The following DNHD1 variants were observed in gnomAD, a reference collection of about 807,000 sequenced individuals.
The protein encoded by DNHD1 is dynein heavy chain domain 1.
Under a neutral mutation model 458.1 loss-of-function variants are expected in DNHD1, and 383 were observed. The observed-to-expected ratio is 0.84, with a 90% confidence interval of 0.77 to 0.91. The LOEUF is 0.91. Ranked by LOEUF, DNHD1 falls within the 40% of genes least tolerant of loss-of-function variation. The probability of loss-of-function intolerance (pLI) is 0.00; values close to 1 mark genes in which losing one functional copy is unlikely to be tolerated. For synonymous variants in DNHD1, 2,203 were observed against 2,376.9 expected (o/e 0.93, Z 2.13); for missense variants, 5,336 against 5,866.1 (o/e 0.91, Z 2.95).
intron 24 of DNHD1, among the ~76,000 whole-genome samples, chr11:6,550,626 A>C (rs1186435367): frequency 6.6e-6 from 1 of 152,264 alleles, no homozygotes; most frequent in African/African-American, 2.4e-5. Flanking sequence ...TACGCTGTCC[A>C]AAAGATGCAC....
intron 28 of DNHD1, 74 bp from the exon 29 acceptor site, chr11:6,562,908 G>A: frequency 6.7e-6 from 10 of 1,489,220 alleles, no homozygotes; most frequent in Non-Finnish European, 9.0e-6. Flanking sequence ...TACAGTTCCA[G>A]GATCATAGGG....
chr11:6,508,839 C>A (rs371864238), intron 4 of DNHD1, 41 bp from the exon 5 acceptor site: 1 of 1,603,242 alleles, frequency 6.2e-7, no homozygotes, highest in Non-Finnish European at 8.5e-7. Flanking sequence ...AGTCTGACCA[C>A]GTTCCCAGGG....
intron 36 of DNHD1, 84 bp from the exon 37 acceptor site, chr11:6,567,972 G>T: frequency 6.8e-7 from 1 of 1,480,838 alleles, no homozygotes. Flanking sequence ...GGGACTTTGG[G>T]GATCATGGTA....
At chr11:6,551,948 A>C (rs977162179) in intron 24 of DNHD1, among the ~76,000 whole-genome samples, 1 of 144,402 alleles carries the variant, frequency 6.9e-6, no homozygotes, top group Non-Finnish European at 1.5e-5. Context: ...CTCCAAAAAA[A>C]AAAAGGGGAG....
At chr11:6,520,155 C>A in intron 9 of DNHD1, 53 bp downstream of exon 9, 2 of 1,613,224 alleles carry the variant, frequency 1.2e-6, no homozygotes, top group Non-Finnish European at 1.7e-6. Flanking sequence ...TTCCTATCCT[C>A]TGAGTAATCA....
intron 18 of DNHD1, among the ~76,000 whole-genome samples, chr11:6,541,912 G>A (rs1395449461): frequency 6.6e-6 from 1 of 152,218 alleles, no homozygotes; most frequent in Non-Finnish European, 1.5e-5. Context: ...GCAGAAGTCA[G>A]CTAGGCAAGA....
chr11:6,512,223 T>TTC (rs1852350420), intron 7 of DNHD1, among the ~76,000 whole-genome samples: 1 of 128,950 alleles, frequency 7.8e-6, no homozygotes, highest in African/African-American at 3.1e-5. Context: ...TTTTTTTTTT[T>TTC]TTTTTTTTTT....
intron 7 of DNHD1, among the ~76,000 whole-genome samples, chr11:6,513,415 C>T (rs1464592238): frequency 6.6e-6 from 1 of 152,158 alleles, no homozygotes; most frequent in Non-Finnish European, 1.5e-5. Context: ...TGTGTCACCA[C>T]AGGTTAATTT....
intron 18 of DNHD1, among the ~76,000 whole-genome samples, chr11:6,543,588 A>G (rs1414934298): frequency 6.6e-6 from 1 of 152,190 alleles, no homozygotes; most frequent in African/African-American, 2.4e-5. Context: ...GCCTTGGGAA[A>G]GGAGGAGCTT....
At position 6,566,635 on chromosome 11, in the gene DNHD1, T is replaced by C. The variant is rs1853706231; in HGVS notation, c.11255T>C (p.Leu3752Pro). The C allele has an allele frequency of 6.2e-7, 1 of 1,613,874 alleles. No homozygotes were observed. The change falls in exon 35 of 43, where the codon CTG (leucine) becomes CCG (proline). Residue 3752 changes from leucine to proline, a missense_variant. Leu to Pro is a moderately conservative substitution (Grantham distance 98). Coordinates refer to ENST00000254579, the MANE Select transcript of DNHD1 (RefSeq NM_144666.3). ...GGGCTGAATGTGTTGGATCTGGGCC[T>C]GAACATGGAAATACTGGAAGAACAG... ...LKGLNVLDLG[L>P]NMEILEEQML... is the part of the protein sequence containing the mutation.
At chr11:6,561,382 T>G (rs1853585228) in intron 28 of DNHD1, among the ~76,000 whole-genome samples, 1 of 152,074 alleles carries the variant, frequency 6.6e-6, no homozygotes. Flanking sequence ...GAGAAATGAT[T>G]GCACCACTGC....
chr11:6,559,544 T>C (rs10839584), intron 28 of DNHD1, among the ~76,000 whole-genome samples: 47,556 of 152,178 alleles, frequency 0.31, 8,799 homozygotes, highest in Non-Finnish European at 0.42. Context: ...ACCATGATCA[T>C]GTGAAGTTCA....
At chr11:6,534,684 G>A (rs10742974) in intron 14 of DNHD1, among the ~76,000 whole-genome samples, 52,371 of 151,950 alleles carry the variant, frequency 0.34, 10,094 homozygotes, top group East Asian at 0.74. Context: ...TTCATACAGT[G>A]GTGCAGGTAA....
At position 6,557,606 on chromosome 11, in the gene DNHD1, GA is replaced by G; in HGVS notation, c.8312del (p.Glu2771GlyfsTer13). The G allele has an allele frequency of 6.4e-7, 1 of 1,551,808 alleles. No individual in the cohort carries two copies. The highest frequency in any genetic ancestry group is 8.7e-7 in the Non-Finnish European group (1 of 1,147,002). On this transcript the variant is annotated frameshift_variant, in exon 25 of 43. Coordinates refer to ENST00000254579, the MANE Select transcript of DNHD1 (RefSeq NM_144666.3). LOFTEE classifies it high-confidence loss of function. Reference sequence around the variant, plus strand: ...AAGCATAAGTCACAAGATAAGGCAAGAGAAAGGCACAAGGGCATCCAACTAT... The same window carrying G: ...AAGCATAAGTCACAAGATAAGGCAAGGAAAGGCACAAGGGCATCCAACTAT... ...KESISHKIRQ[E>X]KGTRASNYRL... is the part of the protein sequence containing the mutation.
rs199873868 is a variant in DNHD1, at chr11:6,570,968, G to C, written c.13456G>C (p.Glu4486Gln). ...NARRPLEGVL[E>Q]TEALELSQLV... ...ACGGCGGCCTCTGGAGGGCGTCTTA[G>C]AGACCGAGGCTCTAGAACTGAGCCA... is the stretch of plus-strand genomic sequence containing the variant. Residue 4486 changes from glutamate (E) to glutamine (Q), a missense_variant, in exon 42 of 43, where the codon GAG becomes CAG. Around this residue, in one of 4 missense-constraint regions of DNHD1, gnomAD observed 698 missense variants for 664.9 expected, o/e 1.05. Coordinates refer to ENST00000254579, the MANE Select transcript of DNHD1 (RefSeq NM_144666.3). 6.2e-7 allele frequency: 1 copy of C among 1,607,126 alleles called. No homozygotes were observed. The highest frequency in any genetic ancestry group is 1.7e-5 in the Admixed American group (1 of 59,792).
chr11:6,509,740 A>G (rs1373437701), intron 6 of DNHD1, among the ~76,000 whole-genome samples: 1 of 151,284 alleles, frequency 6.6e-6, no homozygotes, highest in Non-Finnish European at 1.5e-5. Flanking sequence ...GGTTATTCCT[A>G]TTTTCAGTAT....
Position 6,570,925 on chromosome 11 carries a change from A to G in DNHD1, c.13413A>G (p.Ser4471=), listed in dbSNP as rs374503337. ...AAGACGAGTCCGACGCCCCGTGGTC[A>G]GTGCTGGGGCCAAATGCACGGCGGC... ...IRQDESDAPW[S]VLGPNARRPL... Residue 4471 remains serine, a synonymous_variant, in exon 42 of 43, where the codon TCA becomes TCG. Coordinates refer to ENST00000254579, the MANE Select transcript of DNHD1 (RefSeq NM_144666.3). 6.2e-7 allele frequency: 1 copy of G among 1,612,258 alleles called. No individual in the cohort carries two copies. Among genetic ancestry groups the G allele is most frequent in the African/African-American group, 1.3e-5 (1 of 74,932 alleles).
At chr11:6,499,072 G>T (rs1589862659) in intron 3 of DNHD1, 111 bp downstream of exon 3, 1 of 1,275,626 alleles carries the variant, frequency 7.8e-7, no homozygotes, top group South Asian at 1.6e-5. Context: ...TTATCACAGG[G>T]ATTAGCCCAA....
At chr11:6,555,273 G>GT (rs1853438111) in intron 24 of DNHD1, among the ~76,000 whole-genome samples, 1 of 151,112 alleles carries the variant, frequency 6.6e-6, no homozygotes, top group Non-Finnish European at 1.5e-5. Context: ...GCTGCCTCAG[G>GT]TGACATGAGG....
Sources: gnomAD v4.1 joint callset for allele counts (sites outside exome capture counted in the v4.1 genomes callset) on GRCh38, gnomAD v4.1.1 for gene constraint, gnomAD v4.1.1 regional missense constraint, MANE v1.5 for transcripts, NCBI Gene and HGNC (gene_info 2026-07-23, HGNC 2026-07-21) for gene names.